The following ARHGAP8 variants were observed in gnomAD, a reference collection of about 807,000 sequenced individuals.
The protein encoded by ARHGAP8 is Rho GTPase activating protein 8.
A neutral mutation model predicts 46.1 loss-of-function variants in ARHGAP8; 62 were observed. The observed-to-expected ratio is 1.34, with a 90% CI of 1.10 to 1.66. The LOEUF (loss-of-function observed/expected upper bound fraction) is 1.66. Ranked by LOEUF, ARHGAP8 falls within the 40% of genes most tolerant of loss-of-function variation. The probability of loss-of-function intolerance (pLI) is 0.00; values close to 1 mark genes in which losing one functional copy is unlikely to be tolerated. For missense variants in ARHGAP8, 923 were observed against 568.4 expected, an observed-to-expected ratio of 1.62 and a Z score of -6.34; for synonymous variants, 375 against 243.1, an observed-to-expected ratio of 1.54 and a Z score of -5.05.
intron 8 of ARHGAP8, among the ~76,000 whole-genome samples, chr22:44,845,769 C>G (rs377758607): frequency 1.1e-4 from 16 of 152,270 alleles, no homozygotes; most frequent in African/African-American, 3.9e-4. Flanking sequence ...TGGGTGCAGT[C>G]AAGAACTTGG....
At chr22:44,799,253 G>T (rs185169038) in intron 2 of ARHGAP8, among the ~76,000 whole-genome samples, 2 of 152,242 alleles carry the variant, frequency 1.3e-5, no homozygotes, top group Non-Finnish European at 2.9e-5. Context: ...CCAAGGCTGC[G>T]TGTGGCCTCT....
At chr22:44,831,057 T>G (rs955578570) in intron 7 of ARHGAP8, among the ~76,000 whole-genome samples, 5 of 152,370 alleles carry the variant, frequency 3.3e-5, no homozygotes, top group Admixed American at 3.3e-4. Flanking sequence ...TGATATATGC[T>G]AGACCCTAGG....
chr22:44,798,336 C>T (rs569784990), intron 2 of ARHGAP8, among the ~76,000 whole-genome samples: 10 of 151,880 alleles, frequency 6.6e-5, no homozygotes, highest in African/African-American at 2.4e-4. Context: ...GTCTTGAACT[C>T]CTGGGCTCAA....
chr22:44,797,405 G>A (rs949084405), intron 2 of ARHGAP8, among the ~76,000 whole-genome samples: 2 of 152,036 alleles, frequency 1.3e-5, no homozygotes, highest in African/African-American at 2.4e-5. Flanking sequence ...CCTGGCCTCC[G>A]CGGTGGTAGA....
chr22:44,825,748 G>A (rs544452086), intron 7 of ARHGAP8, among the ~76,000 whole-genome samples, 155 bp downstream of exon 7: 2 of 151,718 alleles, frequency 1.3e-5, no homozygotes, highest in Non-Finnish European at 2.9e-5. Context: ...CACTGAGGCC[G>A]TGGCTCGCTG....
intron 5 of ARHGAP8, among the ~76,000 whole-genome samples, chr22:44,816,884 C>CTTTTT (rs981732386): frequency 3.5e-4 from 40 of 115,044 alleles, no homozygotes; most frequent in East Asian, 5.5e-4. Flanking sequence ...TTCTTTCTTT[C>CTTTTT]TTTTTTTTTT....
chr22:44,860,249 C>T (rs1169096972), intron 11 of ARHGAP8, among the ~76,000 whole-genome samples: 1 of 152,122 alleles, frequency 6.6e-6, no homozygotes, highest in South Asian at 2.1e-4. Flanking sequence ...ACATTAAGTT[C>T]CTGTGACTGC....
In ARHGAP8 at chr22:44,808,301, G is replaced by A. The variant is rs752542196; in HGVS notation, c.168-6G>A. Reference sequence around the variant, plus strand: ...TTCATAACTGAATCTTCTGTGTTGTGCCCAGGTATTTGAAGTACACACTGG... The same window carrying A: ...TTCATAACTGAATCTTCTGTGTTGTACCCAGGTATTTGAAGTACACACTGG... On this transcript the variant is annotated splice_polypyrimidine_tract_variant and splice_region_variant and intron_variant, in intron 3 of 11. Coordinates refer to ENST00000356099, the MANE Select transcript of ARHGAP8 (RefSeq NM_181335.3). 6.2e-6 allele frequency: 10 copies of A among 1,611,366 alleles called. No individual in the cohort carries two copies. The highest frequency in any genetic ancestry group is 1.1e-5 in the South Asian group (1 of 90,758).
intron 5 of ARHGAP8, 81 bp from the exon 6 acceptor site, chr22:44,822,290 A>G: frequency 2.8e-6 from 3 of 1,076,732 alleles, no homozygotes; most frequent in Non-Finnish European, 4.0e-6. Flanking sequence ...TTCTGCCGCC[A>G]ACTCCCCCTC....
intron 11 of ARHGAP8, among the ~76,000 whole-genome samples, chr22:44,860,356 T>G (rs146013228): frequency 6.6e-6 from 1 of 152,152 alleles, no homozygotes; most frequent in East Asian, 1.9e-4. Flanking sequence ...CCAGAGGCTC[T>G]AGGGAAGGTT....
intron 1 of ARHGAP8, among the ~76,000 whole-genome samples, chr22:44,754,809 A>G (rs1270427734): frequency 1.3e-5 from 2 of 152,040 alleles, no homozygotes; most frequent in African/African-American, 4.8e-5. Flanking sequence ...AGAGCAAGGA[A>G]CTCAGGTCCT....
chr22:44,773,881 C>A (rs989231200), intron 1 of ARHGAP8, among the ~76,000 whole-genome samples: 2 of 152,354 alleles, frequency 1.3e-5, no homozygotes, highest in Admixed American at 6.5e-5. Flanking sequence ...CCACACCCAG[C>A]AAAATGTAGA....
At chr22:44,853,084 G>T (rs1036782780) in intron 10 of ARHGAP8, among the ~76,000 whole-genome samples, 6 of 151,396 alleles carry the variant, frequency 4.0e-5, no homozygotes, top group African/African-American at 1.5e-4. Flanking sequence ...TTACAGGCAT[G>T]AGCCACCGTG....
At chr22:44,779,854 C>T (rs1926715773) in intron 1 of ARHGAP8, among the ~76,000 whole-genome samples, 1 of 152,154 alleles carries the variant, frequency 6.6e-6, no homozygotes, top group Admixed American at 6.5e-5. Flanking sequence ...AGGCATGAGC[C>T]ACCACGCTCG....
chr22:44,847,520 C>G lies in ARHGAP8; in HGVS notation c.671-453C>G, dbSNP rs796098632. On this transcript the variant is annotated intron_variant, in intron 8 of 11. Coordinates refer to ENST00000356099, the MANE Select transcript of ARHGAP8 (RefSeq NM_181335.3). ...AAAGTTAAATCCCCATGTGCAGCTACTGGCTGCTGTGCTGGACAGCTCAGC... is the reference window on the plus strand; with the variant it reads ...AAAGTTAAATCCCCATGTGCAGCTAGTGGCTGCTGTGCTGGACAGCTCAGC... Among the ~76,000 whole-genome samples, 18 of 152,352 alleles carry G rather than the reference C, an allele frequency of 1.2e-4. 1 individual carries two copies. Among genetic ancestry groups the G allele is most frequent in the African/African-American group, 3.8e-4 (16 of 41,582 alleles).
At chr22:44,853,610 AG>A in intron 10 of ARHGAP8, among the ~76,000 whole-genome samples, 1 of 152,338 alleles carries the variant, frequency 6.6e-6, no homozygotes, top group East Asian at 1.9e-4. Context: ...TATTTACATA[AG>A]GGCAGCAAGA....
At chr22:44,776,889 C>G (rs537165084) in intron 1 of ARHGAP8, among the ~76,000 whole-genome samples, 1 of 152,102 alleles carries the variant, frequency 6.6e-6, no homozygotes, top group Non-Finnish European at 1.5e-5. Flanking sequence ...CCCCCTGCCT[C>G]AAGGCCCACT....
At chr22:44,839,935 C>T (rs1433279720) in intron 7 of ARHGAP8, among the ~76,000 whole-genome samples, 2 of 152,230 alleles carry the variant, frequency 1.3e-5, no homozygotes, top group African/African-American at 2.4e-5. Flanking sequence ...CAGCTGGTGG[C>T]TGGCTAGGAT....
intron 7 of ARHGAP8, among the ~76,000 whole-genome samples, chr22:44,843,125 G>C (rs1365892918): frequency 6.6e-6 from 1 of 152,150 alleles, no homozygotes; most frequent in African/African-American, 2.4e-5. Context: ...TTCTCTCTCT[G>C]GACCCCTTTT....
Sources: allele counts gnomAD v4.1 joint callset (sites outside exome capture counted in the v4.1 genomes callset), GRCh38; gene constraint gnomAD v4.1.1; transcripts MANE v1.5; gene names NCBI Gene and HGNC (gene_info 2026-07-23, HGNC 2026-07-21).